Variants in SLC5A11 observed in about 807,000 individuals in gnomAD.
SLC5A11 encodes sodium/myo-inositol cotransporter 2.
A neutral mutation model predicts 69.8 loss-of-function variants in SLC5A11; 48 were observed. That is an observed-to-expected ratio of 0.69 (90% CI 0.55 to 0.87). The LOEUF (loss-of-function observed/expected upper bound fraction) is 0.87. Ranked by LOEUF, SLC5A11 falls within the 40% of genes least tolerant of loss-of-function variation. The pLI, the probability that SLC5A11 is intolerant of heterozygous loss-of-function variation, is 0.00. For synonymous variants in SLC5A11, 319 were observed against 342.4 expected, an observed-to-expected ratio of 0.93 and a Z score of 0.75; for missense variants, 784 against 866.1, an observed-to-expected ratio of 0.91 and a Z score of 1.19.
At chr16:24,863,605 A>C (rs1046745250) in intron 3 of SLC5A11, among the ~76,000 whole-genome samples, 2 of 152,184 alleles carry the variant, frequency 1.3e-5, no homozygotes, top group Non-Finnish European at 2.9e-5. Flanking sequence ...GGCAGAGTAA[A>C]GAGCTTCAAA....
intron 4 of SLC5A11, among the ~76,000 whole-genome samples, chr16:24,871,943 C>G (rs1299519198): frequency 6.6e-6 from 1 of 152,148 alleles, no homozygotes; most frequent in African/African-American, 2.4e-5. Flanking sequence ...GGAAGCATCG[C>G]AAAGGCCTTC....
At chr16:24,906,974 G>C (rs747255599) in intron 11 of SLC5A11, 51 bp from the exon 13 acceptor site, 1 of 1,593,792 alleles carries the variant, frequency 6.3e-7, no homozygotes, top group South Asian at 1.1e-5. Flanking sequence ...ACTGGGATCG[G>C]CTGCTTTGGC....
chr16:24,861,720 C>A (rs2046563714), intron 2 of SLC5A11, among the ~76,000 whole-genome samples: 1 of 114,418 alleles, frequency 8.7e-6, no homozygotes, highest in African/African-American at 3.9e-5. Context: ...AGGGAAGGGG[C>A]AGGCAGAAGA....
At chr16:24,908,004 T>C in exon 13 of SLC5A11, 1 of 1,614,040 alleles carries the variant, frequency 6.2e-7, no homozygotes. Flanking sequence ...ATCCTCTGGA[T>C]CCCTGTGGTC....
chr16:24,858,657 C>A, exon 2 of SLC5A11: 4 of 1,609,814 alleles, frequency 2.5e-6, no homozygotes, highest in Non-Finnish European at 3.4e-6. Context: ...GAGAGCGGCA[C>A]CAGCAGCCCT....
chr16:24,901,751 G>A (rs572192862), intron 10 of SLC5A11, among the ~76,000 whole-genome samples: 1 of 151,990 alleles, frequency 6.6e-6, no homozygotes, highest in Non-Finnish European at 1.5e-5. Context: ...TGCTGTAGAG[G>A]GACTTACATC....
exon 10 of SLC5A11, chr16:24,898,095 G>T (rs764495479): frequency 1.9e-6 from 3 of 1,613,704 alleles, no homozygotes; most frequent in Non-Finnish European, 2.5e-6. Flanking sequence ...ATGGTCAGCC[G>T]CATCCTCTTC....
intron 10 of SLC5A11, among the ~76,000 whole-genome samples, chr16:24,899,269 T>C (rs1225746251): frequency 3.9e-5 from 6 of 152,328 alleles, no homozygotes; most frequent in Middle Eastern, 3.4e-3. Context: ...GCCTCAACTA[T>C]ATTTTTTTGA....
At chr16:24,866,633 C>G (rs2046937541) in intron 3 of SLC5A11, among the ~76,000 whole-genome samples, 1 of 149,450 alleles carries the variant, frequency 6.7e-6, no homozygotes, top group South Asian at 2.1e-4. Context: ...TGGAAAAAGC[C>G]TGTTTAACCA....
chr16:24,892,049 TAAAAAAAAAAAAA>T (rs35705061), intron 9 of SLC5A11, among the ~76,000 whole-genome samples: 1 of 97,060 alleles, frequency 1.0e-5, no homozygotes, highest in African/African-American at 3.8e-5. Context: ...AGACCATCTC[TAAAAAAAAAAAAA>T]AAAAAAAAGT....
chr16:24,851,436 G>A lies in SLC5A11; in HGVS notation c.-25+4998G>A, dbSNP rs187433722. Among the ~76,000 whole-genome samples the A allele has an allele frequency of 1.2e-3, 183 of 152,220 alleles. 2 individuals carry two copies. In the East Asian group the frequency reaches 0.034, roughly 28 times the overall value. On this transcript the variant is annotated intron_variant, in intron 1 of 15. Coordinates refer to ENST00000347898, the Ensembl canonical transcript of SLC5A11. The stretch of plus-strand genomic sequence containing the variant: ...AGCTACCTGGGAGGCTGAGGCAGGC[G>A]AATCGCTTGGGGGCAGGAGAATCGC...
At position 24,877,011 on chromosome 16, in the gene SLC5A11, G is replaced by GT. The variant is rs2047718310; in HGVS notation, c.478-246dup. 8.9e-6 allele frequency: 11 copies of GT among 1,234,276 alleles called. No individual in the cohort carries two copies. The South Asian group carries it at 1.8e-4, about 20-fold the overall frequency. The allele number at this position is 1,234,276 out of a possible 1,614,324, so 76.5% of individuals were successfully genotyped here. Reference sequence around the variant, plus strand: ...TGAAGGTTGCAGTGTGGAAGATGGAGTGGGAGAGGACCAAAAGCAGAAGCA... The same window carrying GT: ...TGAAGGTTGCAGTGTGGAAGATGGAGTTGGGAGAGGACCAAAAGCAGAAGCA... On this transcript the variant is annotated intron_variant, in intron 6 of 15. Transcript: ENST00000347898.
At chr16:24,886,315 G>A (rs182326419) in intron 8 of SLC5A11, among the ~76,000 whole-genome samples, 1 of 152,206 alleles carries the variant, frequency 6.6e-6, no homozygotes, top group Non-Finnish European at 1.5e-5. Context: ...TTATAGGCAT[G>A]AGCCACCACG....
At chr16:24,869,147 C>T (rs934822744) in intron 3 of SLC5A11, among the ~76,000 whole-genome samples, 15 of 152,060 alleles carry the variant, frequency 9.9e-5, no homozygotes, top group Admixed American at 9.8e-4. Context: ...GGATTACAAA[C>T]GTGAGCCAGA....
chr16:24,868,976 T>A (rs1182489585), intron 3 of SLC5A11, among the ~76,000 whole-genome samples: 1 of 151,668 alleles, frequency 6.6e-6, no homozygotes, highest in East Asian at 1.9e-4. Flanking sequence ...CGAGCGATTC[T>A]CCTGCCTCAG....
chr16:24,910,627 G>A (rs1421615028), intron 15 of SLC5A11, 150 bp downstream of exon 16: 19 of 881,954 alleles, frequency 2.2e-5, no homozygotes, highest in East Asian at 1.6e-4. Flanking sequence ...CTGTCCCCAC[G>A]CTCCGGCCAT....
At chr16:24,875,419 G>A (rs992884957) in intron 5 of SLC5A11, among the ~76,000 whole-genome samples, 3 of 151,936 alleles carry the variant, frequency 2.0e-5, no homozygotes, top group Non-Finnish European at 4.4e-5. Context: ...GCACTCAAGT[G>A]ATTCCCCTTG....
intron 2 of SLC5A11, among the ~76,000 whole-genome samples, chr16:24,859,722 G>A (rs1396928199): frequency 2.0e-5 from 3 of 151,974 alleles, no homozygotes; most frequent in Admixed American, 6.6e-5. Context: ...ACATTAGCAC[G>A]TAGACATTCC....
At chr16:24,851,553 C>A (rs1348477666) in intron 1 of SLC5A11, among the ~76,000 whole-genome samples, 3 of 151,704 alleles carry the variant, frequency 2.0e-5, no homozygotes, top group African/African-American at 7.3e-5. Flanking sequence ...TCAAAAAAAA[C>A]AAAACAAAAC....
Sources: gnomAD v4.1 joint callset for allele counts (sites outside exome capture counted in the v4.1 genomes callset) on GRCh38, gnomAD v4.1.1 for gene constraint, MANE v1.5 for transcripts, NCBI Gene and HGNC (gene_info 2026-07-23, HGNC 2026-07-21) for gene names.